C1QTNF7: variants seen among roughly 807,000 people sequenced by gnomAD.
C1QTNF7 encodes the protein C1q and TNF related 7, also known as complement C1q tumor necrosis factor-related protein 7.
A neutral mutation model predicts 19.6 loss-of-function variants in C1QTNF7; 15 were observed. The observed-to-expected ratio is 0.76, with a 90% confidence interval of 0.51 to 1.18. The LOEUF is 1.18. Ranked by LOEUF, C1QTNF7 falls within the 50% of genes most tolerant of loss-of-function variation. The pLI, the probability that C1QTNF7 is intolerant of heterozygous loss-of-function variation, is 0.00. For missense variants in C1QTNF7, 324 were observed against 359.7 expected (o/e 0.90, Z 0.80); for synonymous variants, 142 against 137.5 (o/e 1.03, Z -0.23).
chr4:15,445,418 C>A lies in C1QTNF7; in HGVS notation c.*2619C>A, dbSNP rs1215142869. The A allele has an allele frequency of 1.3e-5, 2 of 152,196 alleles. No homozygotes were observed. Among genetic ancestry groups the A allele is most frequent in the African/African-American group, 4.8e-5 (2 of 41,438 alleles). 9.4% of individuals were successfully genotyped at this position (152,196 alleles called of 1,614,324 possible). A position where few individuals can be genotyped will look rare whatever the true frequency, so the allele number is the denominator to read the frequency against. ...TTAAAATTTTCTTCTGATCGTAATC[C>A]ACGAATGCATTCATTTTTTGGACAT... On this transcript the variant is annotated 3_prime_UTR_variant, in exon 3 of 3. Coordinates refer to ENST00000444304, the MANE Select transcript of C1QTNF7 (RefSeq NM_031911.5).
At chr4:15,421,780 G>C (rs968809492) in intron 1 of C1QTNF7, among the ~76,000 whole-genome samples, 1 of 152,092 alleles carries the variant, frequency 6.6e-6, no homozygotes, top group East Asian at 1.9e-4. Flanking sequence ...ACTCACTGTA[G>C]GTAGCACATA....
At chr4:15,350,348 G>GAAGA (rs1716891600) in intron 1 of C1QTNF7, among the ~76,000 whole-genome samples, 1 of 90,944 alleles carries the variant, frequency 1.1e-5, no homozygotes, top group Non-Finnish European at 2.0e-5. Flanking sequence ...GGGAGGGAGG[G>GAAGA]AGGGAGGGAG....
intron 1 of C1QTNF7, among the ~76,000 whole-genome samples, chr4:15,376,252 C>T (rs1161447032): frequency 6.6e-6 from 1 of 152,206 alleles, no homozygotes; most frequent in East Asian, 1.9e-4. Context: ...CTGAGCTGTG[C>T]AGTGGACTGC....
chr4:15,399,002 C>T (rs554104755), intron 1 of C1QTNF7, among the ~76,000 whole-genome samples: 4 of 152,190 alleles, frequency 2.6e-5, no homozygotes, highest in South Asian at 2.1e-4. Context: ...GGTGAGCATG[C>T]GCAGTGTGTT....
intron 1 of C1QTNF7, among the ~76,000 whole-genome samples, chr4:15,412,356 C>T (rs911127064): frequency 3.3e-5 from 5 of 149,790 alleles, no homozygotes; most frequent in Non-Finnish European, 5.9e-5. Flanking sequence ...AAATTGTCTT[C>T]CATGAAACCA....
At chr4:15,353,403 T>C (rs765394834) in intron 1 of C1QTNF7, among the ~76,000 whole-genome samples, 34 of 152,194 alleles carry the variant, frequency 2.2e-4, no homozygotes, top group Non-Finnish European at 4.0e-4. Flanking sequence ...CTGAGCATTT[T>C]TCTTTCAGCT....
chr4:15,409,461 C>T (rs1009887537), intron 1 of C1QTNF7, among the ~76,000 whole-genome samples: 2 of 152,196 alleles, frequency 1.3e-5, no homozygotes, highest in African/African-American at 4.8e-5. Flanking sequence ...GAAAGACAAA[C>T]TGGGGATGAA....
At chr4:15,357,466 C>T (rs1005226190) in intron 1 of C1QTNF7, among the ~76,000 whole-genome samples, 2 of 151,342 alleles carry the variant, frequency 1.3e-5, no homozygotes, top group African/African-American at 2.4e-5. Flanking sequence ...ATATCTGTTA[C>T]CATGCTGTTT....
chr4:15,374,067 T>C (rs1302960709), intron 1 of C1QTNF7: 1 of 152,222 alleles, frequency 6.6e-6, no homozygotes, highest in Non-Finnish European at 1.5e-5. Context: ...CAGTGATAGG[T>C]ATCTTAAAAG....
chr4:15,387,835 T>C (rs966924575), intron 1 of C1QTNF7, among the ~76,000 whole-genome samples: 3 of 152,228 alleles, frequency 2.0e-5, no homozygotes, highest in African/African-American at 7.2e-5. Context: ...TAGATTACTA[T>C]ATCTGTATAT....
rs372857232 is a variant in C1QTNF7, at chr4:15,442,374, G to A, written c.445G>A (p.Ala149Thr). ...CRCGSIVLKS[A>T]FSVGITTSYP... ...ATGTGGAAGCATCGTGCTCAAATCC[G>A]CCTTTTCTGTTGGCATCACAACCAG... Residue 149 changes from alanine to threonine, a missense_variant, in exon 3 of 3, where the codon GCC (alanine) becomes ACC (threonine). Ala to Thr is a moderately conservative substitution (Grantham distance 58). Transcript: ENST00000444304. 1.1e-5 allele frequency: 18 copies of A among 1,613,984 alleles called. No individual in the cohort carries two copies. Among genetic ancestry groups the A allele is most frequent in the Admixed American group, 3.3e-5 (2 of 59,998 alleles).
chr4:15,410,274 T>A (rs1450066315), intron 1 of C1QTNF7, among the ~76,000 whole-genome samples: 1 of 152,212 alleles, frequency 6.6e-6, no homozygotes, highest in Non-Finnish European at 1.5e-5. Flanking sequence ...TTACTAAATA[T>A]ATGGGAAATA....
intron 1 of C1QTNF7, among the ~76,000 whole-genome samples, chr4:15,392,303 C>G (rs1341181921): frequency 6.6e-6 from 1 of 152,084 alleles, no homozygotes; most frequent in Admixed American, 6.6e-5. Flanking sequence ...ATCTAGGGGG[C>G]GCTTACTTAA....
At chr4:15,377,499 A>T (rs1023188067) in intron 1 of C1QTNF7, among the ~76,000 whole-genome samples, 11 of 152,188 alleles carry the variant, frequency 7.2e-5, no homozygotes, top group African/African-American at 2.4e-4. Flanking sequence ...TCTATGAGAA[A>T]TTTACTCAGT....
intron 1 of C1QTNF7, among the ~76,000 whole-genome samples, chr4:15,371,202 C>T (rs1480070333): frequency 1.3e-5 from 2 of 152,220 alleles, no homozygotes; most frequent in Non-Finnish European, 2.9e-5. Context: ...ACCCAAGATC[C>T]GCTCCTCAAG....
intron 1 of C1QTNF7, among the ~76,000 whole-genome samples, chr4:15,373,596 G>A (rs951754525): frequency 6.6e-6 from 1 of 152,188 alleles, no homozygotes; most frequent in Non-Finnish European, 1.5e-5. Flanking sequence ...ACGTTTAAAT[G>A]ACTCCACAGG....
chr4:15,436,325 G>A (rs930896131), intron 2 of C1QTNF7, among the ~76,000 whole-genome samples: 16 of 152,214 alleles, frequency 1.1e-4, no homozygotes, highest in Non-Finnish European at 2.1e-4. Flanking sequence ...ATGTCCAGAA[G>A]TACTGGGCTA....
intron 1 of C1QTNF7, among the ~76,000 whole-genome samples, chr4:15,431,923 G>C (rs963563633): frequency 6.6e-6 from 1 of 152,222 alleles, no homozygotes; most frequent in Non-Finnish European, 1.5e-5. Flanking sequence ...TAAAAGGAAG[G>C]TCATGGGCAG....
intron 1 of C1QTNF7, among the ~76,000 whole-genome samples, chr4:15,396,551 A>T (rs1718789030): frequency 6.6e-6 from 1 of 152,102 alleles, no homozygotes; most frequent in Non-Finnish European, 1.5e-5. Flanking sequence ...GTTTCCAAAA[A>T]CCCTAAGACA....
Sources: allele counts gnomAD v4.1 joint callset (sites outside exome capture counted in the v4.1 genomes callset), GRCh38; gene constraint gnomAD v4.1.1; transcripts MANE v1.5; gene names NCBI Gene and HGNC (gene_info 2026-07-23, HGNC 2026-07-21).